Variants in AHNAK observed in about 807,000 individuals in gnomAD.
AHNAK encodes neuroblast differentiation-associated protein AHNAK.
In AHNAK, 23 loss-of-function variants were observed where a neutral mutation model predicts 37.8. That is an observed-to-expected ratio of 0.61 (90% CI 0.44 to 0.86). AHNAK has a LOEUF of 0.86. Among genes scored for constraint, AHNAK ranks in the 40% least tolerant of loss-of-function variants. The pLI, the probability that AHNAK is intolerant of heterozygous loss-of-function variation, is 0.00. For synonymous variants in AHNAK, 2,481 were observed against 2,636.3 expected (o/e 0.94, Z 1.80); for missense variants, 7,411 against 7,319.4 (o/e 1.01, Z -0.46).
chr11:62,520,503 G>A lies in AHNAK; in HGVS notation c.13914C>T (p.Val4638=). ...CTGGGCCTTGAACGTCCACATCTGG[G>A]ACATCAATGTCCACTTTGGGGTCCC... The part of the protein sequence containing the change: ...DIRDPKVDID[V]PDVDVQGPDW... The change falls in exon 5 of 5, where the codon GTC becomes GTT. Residue 4638 remains valine, a synonymous_variant. Coordinates refer to ENST00000378024, the MANE Select transcript of AHNAK (RefSeq NM_001620.3). The A allele has an allele frequency of 6.2e-6, 10 of 1,614,042 alleles. No homozygotes were observed. The highest frequency in any genetic ancestry group is 7.6e-6 in the Non-Finnish European group (9 of 1,180,030).
At position 62,531,473 on chromosome 11, in the gene AHNAK, C is replaced by T. The variant is rs757168510; in HGVS notation, c.2944G>A (p.Val982Ile). Residue 982 changes from valine (V) to isoleucine (I), a missense_variant, in exon 5 of 5, where the codon GTC becomes ATC. Coordinates refer to ENST00000378024, the MANE Select transcript of AHNAK (RefSeq NM_001620.3). ...TGCATTTCAACATCTGGGGCACTGA[C>T]ATCTACTTTTGGGCCTTTCAGGTCC... is the stretch of plus-strand genomic sequence containing the variant. Reference protein sequence around the residue: ...EGDLKGPKVDVSAPDVEMQGP... With the variant: ...EGDLKGPKVDISAPDVEMQGP... 1.2e-6 allele frequency: 2 copies of T among 1,614,210 alleles called. No individual in the cohort carries two copies. Among genetic ancestry groups the T allele is most frequent in the South Asian group, 1.1e-5 (1 of 91,076 alleles).
At position 62,531,044 on chromosome 11, in the gene AHNAK, T is replaced by G. The variant is rs756487530; in HGVS notation, c.3373A>C (p.Lys1125Gln). 1.2e-6 allele frequency: 2 copies of G among 1,613,908 alleles called. No homozygotes were observed. The highest frequency in any genetic ancestry group is 1.7e-6 in the Non-Finnish European group (2 of 1,179,976). ...TTGGGCATTTTCATCTTGGGTATTT[T>G]CAGGCTCCAGTCCAGGCCTTGGCCT... The part of the protein sequence containing the change: ...VEGQGLDWSL[K>Q]IPKMKMPKFS... The change falls in exon 5 of 5, where the codon AAA becomes CAA. Residue 1125 changes from lysine (K) to glutamine (Q), a missense_variant. Lys to Gln is a moderately conservative substitution (Grantham distance 53). Transcript: ENST00000378024.
At chr11:62,486,876 C>T (rs1377053601) in intron 5 of AHNAK, among the ~76,000 whole-genome samples, 1 of 151,846 alleles carries the variant, frequency 6.6e-6, no homozygotes, top group Non-Finnish European at 1.5e-5. Context: ...TAGAGTTTTC[C>T]CATGGTTAGC....
Position 62,533,220 on chromosome 11 carries a change from G to A in AHNAK, c.1197C>T (p.Ala399=). 1 of 1,526,814 alleles carries A rather than the reference G, an allele frequency of 6.5e-7. No homozygotes were observed. Among genetic ancestry groups the A allele is most frequent in the Non-Finnish European group, 8.8e-7 (1 of 1,141,858 alleles). The allele number at this position is 1,526,814 out of a possible 1,614,324, so 94.6% of individuals were successfully genotyped here. Reference sequence around the variant, plus strand: ...TGCTACCCCCAATTTGGGGAGCAGAGGCATCCACCCCAATGTGCCCCTGTG... The same window carrying A: ...TGCTACCCCCAATTTGGGGAGCAGAAGCATCCACCCCAATGTGCCCCTGTG... The part of the protein sequence containing the change: ...AKPQGHIGVD[A]SAPQIGGSIT... Residue 399 remains alanine (A), a synonymous_variant, in exon 5 of 5, where the codon GCC becomes GCT. Coordinates refer to ENST00000378024, the MANE Select transcript of AHNAK (RefSeq NM_001620.3).
At position 62,532,473 on chromosome 11, in the gene AHNAK, A is replaced by C. The variant is rs11231130; in HGVS notation, c.1944T>G (p.Val648=). The change falls in exon 5 of 5, where the codon GTT becomes GTG. Residue 648 remains valine (V), a synonymous_variant. Transcript: ENST00000378024. ...TPGAKGEGPD[V]HMTLPKGDIS... The stretch of plus-strand genomic sequence containing the variant: ...TATCTCCTTTGGGTAGAGTCATATG[A>C]ACATCTGGACCTTCCCCTTTGGCTC... The C allele has an allele frequency of 0.038, 60,985 of 1,613,202 alleles. 2,764 individuals are homozygous for C. The highest frequency in any genetic ancestry group is 0.23 in the African/African-American group (17,265 of 74,664).
chr11:62,511,247 T>G (rs1000335625), downstream of AHNAK, among the ~76,000 whole-genome samples: 1 of 152,022 alleles, frequency 6.6e-6, no homozygotes, highest in Non-Finnish European at 1.5e-5. Context: ...TTTTGTTTTT[T>G]TTTTTTTGCT....
At position 62,520,241 on chromosome 11, in the gene AHNAK, T is replaced by C; in HGVS notation, c.14176A>G (p.Ile4726Val). The change falls in exon 5 of 5, where the codon ATT becomes GTT. Residue 4726 changes from isoleucine to valine, a missense_variant. Physicochemically the swap from Ile to Val is conservative, Grantham distance 29. Transcript: ENST00000378024. ...IKAPKISMPD[I>V]DLNLKGPKVK... ...TTGGGTCCTTTCAGGTTTAAGTCAA[T>C]ATCAGGCATGGAGATCTTGGGGGCT... is the stretch of plus-strand genomic sequence containing the variant. The C allele has an allele frequency of 2.5e-6, 4 of 1,605,744 alleles. No homozygotes were observed. Among genetic ancestry groups the C allele is most frequent in the South Asian group, 1.1e-5 (1 of 90,700 alleles).
chr11:62,501,383 GT>G (rs1248893520), intron 4 of AHNAK, among the ~76,000 whole-genome samples: 1 of 152,040 alleles, frequency 6.6e-6, no homozygotes, highest in African/African-American at 2.4e-5. Flanking sequence ...CCTGGCCAAC[GT>G]GATGAAATTC....
At position 62,523,276 on chromosome 11, in the gene AHNAK, A is replaced by T; in HGVS notation, c.11141T>A (p.Ile3714Asn). The T allele has an allele frequency of 1.2e-6, 2 of 1,613,932 alleles. No homozygotes were observed. The highest frequency in any genetic ancestry group is 1.7e-6 in the Non-Finnish European group (2 of 1,179,878). Reference protein sequence around the residue: ...EVDIKGPKVDIDTPDINIEGS... With the variant: ...EVDIKGPKVDNDTPDINIEGS... ...TTCGATGTTAATGTCAGGAGTGTCA[A>T]TGTCCACTTTGGGGCCCTTGATGTC... Residue 3714 changes from isoleucine (I) to asparagine (N), a missense_variant, in exon 5 of 5, where the codon ATT becomes AAT. Transcript: ENST00000378024.
intron 1 of AHNAK, among the ~76,000 whole-genome samples, chr11:62,539,395 G>C (rs1941053649): frequency 6.6e-6 from 1 of 152,364 alleles, no homozygotes; most frequent in South Asian, 2.1e-4. Context: ...CCAGCGAGGG[G>C]GAAAGAGCTA....
intron 4 of AHNAK, among the ~76,000 whole-genome samples, chr11:62,504,578 C>A (rs748560169): frequency 1.1e-4 from 16 of 152,104 alleles, no homozygotes; most frequent in Non-Finnish European, 1.9e-4. Context: ...CCCTCCCCAC[C>A]GCCTGGCCAC....
chr11:62,481,102 TG>T (rs1275784375), intron 5 of AHNAK, among the ~76,000 whole-genome samples: 2 of 102,370 alleles, frequency 2.0e-5, no homozygotes, highest in African/African-American at 7.2e-5. Flanking sequence ...TTTTTTTTTT[TG>T]GTTTTTTTTT....
In AHNAK at chr11:62,524,318, G is replaced by A; in HGVS notation, c.10099C>T (p.Pro3367Ser). Residue 3367 changes from proline (P) to serine (S), a missense_variant, in exon 5 of 5, where the codon CCT becomes TCT. By Grantham distance (74) the Pro-to-Ser change is moderately conservative. Coordinates refer to ENST00000378024, the MANE Select transcript of AHNAK (RefSeq NM_001620.3). ...TTTTTACCTTTGACATCCACTTCAG[G>A]TGTCTGAACTTTAGAGCCCGAAAAA... Reference protein sequence around the residue: ...FNFSGSKVQTPEVDVKGKKPD... With the variant: ...FNFSGSKVQTSEVDVKGKKPD... 1 of 1,613,690 alleles carries A rather than the reference G, an allele frequency of 6.2e-7. No homozygotes were observed. The highest frequency in any genetic ancestry group is 8.5e-7 in the Non-Finnish European group (1 of 1,179,950).
chr11:62,537,805 C>A (rs1354775669), intron 1 of AHNAK, among the ~76,000 whole-genome samples: 1 of 152,020 alleles, frequency 6.6e-6, no homozygotes, highest in African/African-American at 2.4e-5. Context: ...GCCTCAGCCT[C>A]CCGAGTAGCT....
downstream of AHNAK, among the ~76,000 whole-genome samples, chr11:62,513,630 G>A (rs1354205319): frequency 6.6e-6 from 1 of 152,134 alleles, no homozygotes; most frequent in African/African-American, 2.4e-5. Flanking sequence ...GCAGGGCGAG[G>A]GAGCTGGGGT....
At chr11:62,499,101 TG>T (rs1939667242) in intron 4 of AHNAK, among the ~76,000 whole-genome samples, 1 of 152,158 alleles carries the variant, frequency 6.6e-6, no homozygotes, top group Non-Finnish European at 1.5e-5. Context: ...GGCATGGGCA[TG>T]GGGAGATAAA....
chr11:62,434,932 C>CAAAAA (rs55712038), intron 5 of AHNAK, among the ~76,000 whole-genome samples: 2 of 84,380 alleles, frequency 2.4e-5, no homozygotes, highest in South Asian at 5.2e-4. Flanking sequence ...GACCCTGTCT[C>CAAAAA]AAAAAAAAAA....
intron 2 of AHNAK, 143 bp from the exon 3 acceptor site, chr11:62,536,241 G>C (rs1487321875): frequency 4.8e-5 from 39 of 812,982 alleles, no homozygotes; most frequent in Non-Finnish European, 2.0e-5. Context: ...TGGCTCACCT[G>C]CCAGGTGAGG....
At position 62,516,931 on chromosome 11, in the gene AHNAK, CCCAATCCA is replaced by C. The variant is rs758093653; in HGVS notation, c.17478_17485del (p.Gly5827ValfsTer8). The stretch of plus-strand genomic sequence containing the variant: ...CTCATAATGACCTTTGCTCTTTGAC[CCCAATCCA>C]CCAAAGGTACCGAATTTCAGCTTCC... On this transcript the variant is annotated frameshift_variant, in exon 5 of 5. Transcript: ENST00000378024. LOFTEE classifies it high-confidence loss of function. 6.2e-5 allele frequency: 100 copies of C among 1,613,986 alleles called. No individual in the cohort carries two copies. The highest frequency in any genetic ancestry group is 8.3e-5 in the Admixed American group (5 of 59,990).
Sources: allele counts gnomAD v4.1 joint callset (sites outside exome capture counted in the v4.1 genomes callset), GRCh38; gene constraint gnomAD v4.1.1; transcripts MANE v1.5; gene names NCBI Gene and HGNC (gene_info 2026-07-23, HGNC 2026-07-21).